SMCO3: variants seen among roughly 807,000 people sequenced by gnomAD.
SMCO3 encodes the protein single-pass membrane and coiled-coil domain-containing protein 3.
A neutral mutation model predicts 12.0 loss-of-function variants in SMCO3; 6 were observed. That is an observed-to-expected ratio of 0.50 (90% CI 0.27 to 0.99). The LOEUF is 0.99. Among genes scored for constraint, SMCO3 ranks in the 50% least tolerant of loss-of-function variants. The probability of loss-of-function intolerance (pLI) is 0.11; values close to 1 mark genes in which losing one functional copy is unlikely to be tolerated. For synonymous variants in SMCO3, 96 were observed against 96.4 expected, an observed-to-expected ratio of 1.00 and a Z score of 0.02; for missense variants, 279 against 265.0, an observed-to-expected ratio of 1.05 and a Z score of -0.37.
intron 1 of SMCO3, among the ~76,000 whole-genome samples, chr12:14,807,817 T>C (rs546977850): frequency 6.6e-6 from 1 of 152,298 alleles, no homozygotes; most frequent in South Asian, 2.1e-4. Flanking sequence ...ACTTGGGCAT[T>C]ATTTAGATAA....
chr12:14,810,756 A>G (rs1331527382), intron 1 of SMCO3, among the ~76,000 whole-genome samples: 1 of 152,174 alleles, frequency 6.6e-6, no homozygotes, highest in Non-Finnish European at 1.5e-5. Context: ...TTGACAGTTG[A>G]GGAGAGGCTG....
At chr12:14,813,866 T>C (rs938074860) in intron 1 of SMCO3, among the ~76,000 whole-genome samples, 1 of 152,208 alleles carries the variant, frequency 6.6e-6, no homozygotes, top group African/African-American at 2.4e-5. Flanking sequence ...ATGTCTTTAC[T>C]GCTTCTCTTC....
chr12:14,809,139 T>C (rs1475596545), intron 1 of SMCO3, among the ~76,000 whole-genome samples: 2 of 152,180 alleles, frequency 1.3e-5, no homozygotes, highest in African/African-American at 4.8e-5. Context: ...GTTCAAAATA[T>C]CTCTAGCAGC....
At chr12:14,806,903 C>T (rs1262425777) in intron 1 of SMCO3, among the ~76,000 whole-genome samples, 1 of 152,184 alleles carries the variant, frequency 6.6e-6, no homozygotes, top group African/African-American at 2.4e-5. Context: ...GCGATCTCAG[C>T]TCACTGCAAC....
intron 1 of SMCO3, among the ~76,000 whole-genome samples, chr12:14,807,980 A>G (rs762465949): frequency 2.6e-5 from 4 of 152,180 alleles, no homozygotes; most frequent in Non-Finnish European, 5.9e-5. Context: ...AGCCTGGCCA[A>G]CACAGCGAAA....
rs1592229349 is a variant in SMCO3 at position 14,806,667 on chromosome 12, T to C, written c.14A>G (p.Asp5Gly). The change falls in exon 2 of 2, where the codon GAC (aspartate) becomes GGC (glycine). Residue 5 changes from aspartate to glycine, a missense_variant. Asp to Gly is a moderately conservative substitution (Grantham distance 94, BLOSUM62 -1). Coordinates refer to ENST00000316048, the MANE Select transcript of SMCO3 (RefSeq NM_001013698.2). Reference protein sequence around the residue: MAQSDFLYPENPKRR... With the variant: MAQSGFLYPENPKRR... ...TTTTGGGTTCTCTGGGTAAAGGAAG[T>C]CACTTTGGGCCATATTTCCAATATG... The C allele has an allele frequency of 2.5e-6, 4 of 1,593,868 alleles. No individual in the cohort carries two copies. The East Asian group carries it at 8.9e-5, about 36-fold the overall frequency.
intron 1 of SMCO3, among the ~76,000 whole-genome samples, chr12:14,806,980 C>A (rs140190648): frequency 0.014 from 2,134 of 152,252 alleles, 37 homozygotes; most frequent in African/African-American, 0.047. Context: ...TACAGGCATA[C>A]ACTGCCATGC....
chr12:14,810,365 A>G (rs1221633263), intron 1 of SMCO3, among the ~76,000 whole-genome samples: 1 of 152,240 alleles, frequency 6.6e-6, no homozygotes, highest in African/African-American at 2.4e-5. Context: ...TGTTTTGGAC[A>G]GGTGAAGTTT....
chr12:14,812,411 G>A (rs1421910669), intron 1 of SMCO3, among the ~76,000 whole-genome samples: 2 of 152,024 alleles, frequency 1.3e-5, no homozygotes, highest in Non-Finnish European at 2.9e-5. Flanking sequence ...GCCACTGCAC[G>A]CCGGCCTGGG....
At chr12:14,810,622 C>G (rs879628091) in intron 1 of SMCO3, among the ~76,000 whole-genome samples, 16 of 152,096 alleles carry the variant, frequency 1.1e-4, no homozygotes, top group Non-Finnish European at 2.2e-4. Context: ...TTGACTTGTG[C>G]AAATTTGTTT....
intron 1 of SMCO3, among the ~76,000 whole-genome samples, chr12:14,812,188 T>C (rs1950150186): frequency 6.6e-6 from 1 of 152,238 alleles, no homozygotes; most frequent in African/African-American, 2.4e-5. Flanking sequence ...CTCACGCCTG[T>C]AATCCGAGCA....
chr12:14,806,211 G>T lies in SMCO3; in HGVS notation c.470C>A (p.Ala157Asp). The change falls in exon 2 of 2, where the codon GCT becomes GAT. Residue 157 changes from alanine (A) to aspartate (D), a missense_variant. Coordinates refer to ENST00000316048, the MANE Select transcript of SMCO3 (RefSeq NM_001013698.2). The stretch of plus-strand genomic sequence containing the variant: ...AACTCCAATACTACCAAGGAGAGAA[G>T]CACCAATTTGAGCTAACACAGTGAC... ...KLVTVLAQIG[A>D]SLLGSIGVAV... The T allele has an allele frequency of 6.2e-7, 1 of 1,614,122 alleles. No homozygotes were observed. Among genetic ancestry groups the T allele is most frequent in the Non-Finnish European group, 8.5e-7 (1 of 1,180,012 alleles).
intron 1 of SMCO3, among the ~76,000 whole-genome samples, chr12:14,807,386 C>G (rs1016843962): frequency 6.6e-6 from 1 of 152,142 alleles, no homozygotes; most frequent in Non-Finnish European, 1.5e-5. Context: ...CTTAGTTTCC[C>G]GAACCCCTAG....
rs774686155 is a variant in SMCO3, at chr12:14,806,600, A to G, written c.81T>C (p.Asp27=). 77 of 1,614,130 alleles carry G rather than the reference A, an allele frequency of 4.8e-5. No individual in the cohort carries two copies. The East Asian group carries it at 1.7e-3, about 36-fold the overall frequency. The stretch of plus-strand genomic sequence containing the variant: ...TGACATCGAAGCTGTCAGATAAGCA[A>G]TCAAGAAGCTGCTGGTGAAGACGAT... The part of the protein sequence containing the change: ...EVNRLHQQLL[D]CLSDSFDVTN... Residue 27 remains aspartate (D), a synonymous_variant, in exon 2 of 2, where the codon GAT becomes GAC. Coordinates refer to ENST00000316048, the MANE Select transcript of SMCO3 (RefSeq NM_001013698.2).
intron 1 of SMCO3, among the ~76,000 whole-genome samples, chr12:14,812,894 A>G (rs190066811): frequency 6.6e-6 from 1 of 152,144 alleles, no homozygotes; most frequent in Non-Finnish European, 1.5e-5. Context: ...CCAGTCAAAG[A>G]TGGTCCTGTT....
At chr12:14,811,572 C>T (rs1950138141) in intron 1 of SMCO3, among the ~76,000 whole-genome samples, 1 of 152,140 alleles carries the variant, frequency 6.6e-6, no homozygotes, top group Admixed American at 6.5e-5. Context: ...GCTTACTGCA[C>T]CTAACCTTGT....
At chr12:14,810,239 T>G (rs973202485) in intron 1 of SMCO3, among the ~76,000 whole-genome samples, 3 of 152,212 alleles carry the variant, frequency 2.0e-5, no homozygotes, top group African/African-American at 7.2e-5. Context: ...CTTAGGTATG[T>G]CTGAGCTCCA....
rs1053816710 is a variant in SMCO3 at position 14,805,791 on chromosome 12, C to T, written c.*212G>A. On this transcript the variant is annotated 3_prime_UTR_variant, in exon 2 of 2. Coordinates refer to ENST00000316048, the MANE Select transcript of SMCO3 (RefSeq NM_001013698.2). ...AACATCCAGGGAGAAAATTTTTTTA[C>T]CTCACAGGGTCTAGCATCAGCTGAT... The T allele has an allele frequency of 5.5e-6, 3 of 547,370 alleles. No homozygotes were observed. Among genetic ancestry groups the T allele is most frequent in the African/African-American group, 1.9e-5 (1 of 52,132 alleles). The allele number at this position is 547,370 out of a possible 1,614,324, so 33.9% of individuals were successfully genotyped here.
chr12:14,812,659 C>T (rs1232594026), intron 1 of SMCO3, among the ~76,000 whole-genome samples: 1 of 152,018 alleles, frequency 6.6e-6, no homozygotes, highest in African/African-American at 2.4e-5. Flanking sequence ...ATTTTTATTA[C>T]TTTTGATATG....
Sources: allele counts gnomAD v4.1 joint callset (sites outside exome capture counted in the v4.1 genomes callset), GRCh38; gene constraint gnomAD v4.1.1; transcripts MANE v1.5; gene names NCBI Gene and HGNC (gene_info 2026-07-23, HGNC 2026-07-21).